ESYT3: variants seen among roughly 807,000 people sequenced by gnomAD.
The protein encoded by ESYT3 is extended synaptotagmin 3, also known as extended synaptotagmin-3.
ESYT3 carries 101 observed loss-of-function variants against 111.5 expected under a neutral mutation model. The observed-to-expected ratio is 0.91, with a 90% CI of 0.77 to 1.07. ESYT3 has a LOEUF of 1.07. Among genes scored for constraint, ESYT3 ranks in the 50% least tolerant of loss-of-function variants. The pLI is 0.00. For synonymous variants in ESYT3, 416 were observed against 446.8 expected (o/e 0.93, Z 0.87); for missense variants, 1,097 against 1,109.4 (o/e 0.99, Z 0.16).
chr3:138,437,069 A>T (rs1222908614), intron 1 of ESYT3, among the ~76,000 whole-genome samples: 2 of 151,736 alleles, frequency 1.3e-5, no homozygotes, highest in Non-Finnish European at 2.9e-5. Context: ...TCAAGAAGGC[A>T]CCTCCTAGGT....
intron 1 of ESYT3, among the ~76,000 whole-genome samples, chr3:138,438,085 C>T (rs539993317): frequency 6.6e-6 from 1 of 152,252 alleles, no homozygotes; most frequent in Non-Finnish European, 1.5e-5. Flanking sequence ...AGACAGGGCT[C>T]TGGGCGTGGT....
intron 1 of ESYT3, among the ~76,000 whole-genome samples, chr3:138,447,956 GAGAA>G (rs2031653205): frequency 6.6e-6 from 1 of 151,798 alleles, no homozygotes. Flanking sequence ...AAATCAGTGT[GAGAA>G]AGAAAAAGCA....
chr3:138,474,183 CTTTTT>C, intron 19 of ESYT3, 33 bp from the exon 20 acceptor site: 1 of 1,222,932 alleles, frequency 8.2e-7, no homozygotes, highest in Non-Finnish European at 1.1e-6. Flanking sequence ...AACCAGGGCC[CTTTTT>C]TTTTTTTCCT....
intron 1 of ESYT3, among the ~76,000 whole-genome samples, chr3:138,448,672 A>T (rs2108600157): frequency 6.6e-6 from 1 of 152,296 alleles, no homozygotes; most frequent in South Asian, 2.1e-4. Context: ...AAAAAGACCA[A>T]TTATAATGGA....
At position 138,476,207 on chromosome 3, in the gene ESYT3, T is replaced by G; in HGVS notation, c.2469-16T>G. The stretch of plus-strand genomic sequence containing the variant: ...AATGAAATGCATAATTCTCACTTCC[T>G]TTTTGCTTCCTAAAGATTTGAATTT... On this transcript the variant is annotated splice_polypyrimidine_tract_variant and intron_variant, in intron 20 of 22. Coordinates refer to ENST00000389567, the MANE Select transcript of ESYT3 (RefSeq NM_031913.5). The G allele has an allele frequency of 6.6e-7, 1 of 1,522,588 alleles. No individual in the cohort carries two copies. The highest frequency in any genetic ancestry group is 1.4e-5 in the African/African-American group (1 of 72,960). 94.3% of individuals were successfully genotyped at this position (1,522,588 alleles called of 1,614,324 possible).
At chr3:138,455,697 C>T (rs554618901) in intron 3 of ESYT3, among the ~76,000 whole-genome samples, 18 of 152,348 alleles carry the variant, frequency 1.2e-4, no homozygotes, top group Non-Finnish European at 2.1e-4. Context: ...GGTGAACACA[C>T]GCTCACAGTT....
At chr3:138,468,774 C>G in intron 13 of ESYT3, 45 bp from the exon 14 acceptor site, 1 of 1,613,742 alleles carries the variant, frequency 6.2e-7, no homozygotes, top group Middle Eastern at 1.6e-4. Flanking sequence ...CCATCACTTT[C>G]AAATTGTCCT....
At chr3:138,452,002 G>T (rs1188940279) in intron 1 of ESYT3, 46 bp from the exon 2 acceptor site, 1 of 1,608,482 alleles carries the variant, frequency 6.2e-7, no homozygotes, top group African/African-American at 1.3e-5. Flanking sequence ...GTTCCCAGCG[G>T]GTGTGCGGCT....
intron 5 of ESYT3, 29 bp from the exon 6 acceptor site, chr3:138,459,916 C>A: frequency 6.2e-7 from 1 of 1,600,974 alleles, no homozygotes; most frequent in Non-Finnish European, 8.6e-7. Context: ...TAGGCCTGGG[C>A]CCCTCACGGG....
chr3:138,469,941 C>T (rs1248403835), intron 15 of ESYT3, 119 bp from the exon 16 acceptor site: 5 of 753,898 alleles, frequency 6.6e-6, no homozygotes, highest in Non-Finnish European at 1.1e-5. Flanking sequence ...GGGTCTGATC[C>T]CAGGGCATAT....
chr3:138,455,363 C>T, intron 3 of ESYT3, 35 bp downstream of exon 3: 1 of 1,610,774 alleles, frequency 6.2e-7, no homozygotes, highest in Middle Eastern at 1.7e-4. Context: ...CCTGGACTGG[C>T]TGTGCAGTCT....
intron 3 of ESYT3, among the ~76,000 whole-genome samples, chr3:138,456,001 A>G (rs148864341): frequency 1.9e-3 from 295 of 152,294 alleles, no homozygotes; most frequent in African/African-American, 6.8e-3. Context: ...GACCCAGTAA[A>G]TGAGAGGCAC....
chr3:138,470,903 T>C lies in ESYT3; in HGVS notation c.1617T>C (p.Ala539=). The change falls in exon 17 of 23, where the codon GCT becomes GCC. Residue 539 remains alanine (A), a synonymous_variant. Coordinates refer to ENST00000389567, the MANE Select transcript of ESYT3 (RefSeq NM_031913.5). ...TGCTTGATGATGACCAGGAGTGTGCTCTGGGAATGCTGGAGGTCCCCCTGT... is the reference window on the plus strand; with the variant it reads ...TGCTTGATGATGACCAGGAGTGTGCCCTGGGAATGCTGGAGGTCCCCCTGT... The part of the protein sequence containing the change: ...LKVLDDDQEC[A]LGMLEVPLCQ... 2 of 1,614,166 alleles carry C rather than the reference T, an allele frequency of 1.2e-6. No homozygotes were observed. The highest frequency in any genetic ancestry group is 1.7e-6 in the Non-Finnish European group (2 of 1,180,024).
At position 138,478,654 on chromosome 3, in the gene ESYT3, C is replaced by G. The variant is rs1023389409; in HGVS notation, c.*1800C>G. ...CCGTTTTTACCTGTGTCAGGCAACA[C>G]AGGTAAATACCTGGTGATGGTCTGA... On this transcript the variant is annotated 3_prime_UTR_variant, in exon 23 of 23. Coordinates refer to ENST00000389567, the MANE Select transcript of ESYT3 (RefSeq NM_031913.5). The G allele has an allele frequency of 6.6e-6, 1 of 152,166 alleles. No homozygotes were observed. The highest frequency in any genetic ancestry group is 2.4e-5 in the African/African-American group (1 of 41,420). The allele number at this position is 152,166 out of a possible 1,614,324, so 9.4% of individuals were successfully genotyped here. A position where few individuals can be genotyped will look rare whatever the true frequency, so the allele number is the denominator to read the frequency against.
intron 4 of ESYT3, among the ~76,000 whole-genome samples, chr3:138,458,134 T>C (rs1015123501): frequency 6.6e-6 from 1 of 152,206 alleles, no homozygotes. Flanking sequence ...GAAGCCTTCC[T>C]GGAAGTGGCA....
chr3:138,471,744 C>G (rs1477727689), intron 17 of ESYT3, among the ~76,000 whole-genome samples: 4 of 152,130 alleles, frequency 2.6e-5, no homozygotes, highest in Non-Finnish European at 5.9e-5. Context: ...AGCTCAGTAC[C>G]TCAGGTGCAT....
chr3:138,447,011 G>A (rs1362437247), intron 1 of ESYT3, among the ~76,000 whole-genome samples: 1 of 152,120 alleles, frequency 6.6e-6, no homozygotes, highest in Non-Finnish European at 1.5e-5. Flanking sequence ...CTCCAGCCTG[G>A]GTGACACAGT....
Position 138,455,315 on chromosome 3 carries a change from A to T in ESYT3, c.491A>T (p.Tyr164Phe). ...AGGACCTTTACCTTTACCAAGCTCTACTTTGGACAGAAGGTGGGTGTGTCT... is the reference window on the plus strand; with the variant it reads ...AGGACCTTTACCTTTACCAAGCTCTTCTTTGGACAGAAGGTGGGTGTGTCT... The part of the protein sequence containing the change: ...HLRTFTFTKL[Y>F]FGQKCPRVNG... The change falls in exon 3 of 23, where the codon TAC (tyrosine) becomes TTC (phenylalanine). Residue 164 changes from tyrosine (Y) to phenylalanine (F), a missense_variant. By Grantham distance (22) the Tyr-to-Phe change is conservative. Transcript: ENST00000389567. 1.9e-6 allele frequency: 3 copies of T among 1,614,048 alleles called. No homozygotes were observed. The highest frequency in any genetic ancestry group is 2.5e-6 in the Non-Finnish European group (3 of 1,180,000).
Position 138,457,643 on chromosome 3 carries a change from T to C in ESYT3, c.580T>C (p.Cys194Arg). The change falls in exon 4 of 23, where the codon TGC becomes CGC. Residue 194 changes from cysteine to arginine, a missense_variant and splice_region_variant. Transcript: ENST00000389567. ...ACGTGTGACTGTGGACCTGCAGATCTGGTGAGCTCTATCGGGCTGGGTATG... is the reference window on the plus strand; with the variant it reads ...ACGTGTGACTGTGGACCTGCAGATCCGGTGAGCTCTATCGGGCTGGGTATG... ...RRRVTVDLQI[C>R]YIGDCEISVE... The C allele has an allele frequency of 6.2e-7, 1 of 1,614,144 alleles. No homozygotes were observed. The highest frequency in any genetic ancestry group is 1.7e-5 in the Admixed American group (1 of 60,022).
Sources: gnomAD v4.1 joint callset for allele counts (sites outside exome capture counted in the v4.1 genomes callset) on GRCh38, gnomAD v4.1.1 for gene constraint, MANE v1.5 for transcripts, NCBI Gene and HGNC (gene_info 2026-07-23, HGNC 2026-07-21) for gene names.